The following ASCC3 variants were observed in gnomAD, a reference collection of about 807,000 sequenced individuals.
ASCC3 encodes the protein activating signal cointegrator 1 complex subunit 3, also known as ASC-1 complex subunit P200.
Under a neutral mutation model 256.3 loss-of-function variants are expected in ASCC3, and 158 were observed. That is an observed-to-expected ratio of 0.62 (90% CI 0.54 to 0.70). The LOEUF is 0.70. Ranked by LOEUF, ASCC3 falls within the 30% of genes least tolerant of loss-of-function variation. ASCC3 has a pLI of 0.00. For synonymous variants in ASCC3, 948 were observed against 883.4 expected (o/e 1.07, Z -1.30); for missense variants, 2,259 against 2,626.0 (o/e 0.86, Z 3.05).
chr6:100,578,413 C>T (rs781047632), intron 36 of ASCC3, among the ~76,000 whole-genome samples: 1 of 151,986 alleles, frequency 6.6e-6, no homozygotes, highest in African/African-American at 2.4e-5. Flanking sequence ...TCCTCTCCCT[C>T]CTCCCAGCCT....
At chr6:100,737,293 G>A (rs1195736031) in intron 10 of ASCC3, among the ~76,000 whole-genome samples, 5 of 151,492 alleles carry the variant, frequency 3.3e-5, no homozygotes, top group East Asian at 1.9e-4. Flanking sequence ...ATAAGAAAAC[G>A]TGTGCCATGG....
chr6:100,530,362 G>C, intron 37 of ASCC3: 1 of 1,307,496 alleles, frequency 7.6e-7, no homozygotes, highest in South Asian at 1.2e-5. Context: ...GCAGTAAGTT[G>C]TCTATCTCAA....
At chr6:100,808,539 T>C (rs1005647279) in intron 4 of ASCC3, among the ~76,000 whole-genome samples, 15 of 151,912 alleles carry the variant, frequency 9.9e-5, no homozygotes, top group Non-Finnish European at 1.8e-4. Flanking sequence ...TCATAGCAGA[T>C]TGATTACAGA....
chr6:100,624,556 C>G lies in ASCC3; in HGVS notation c.4785+636G>C, dbSNP rs185112765. 2.6e-5 allele frequency among the ~76,000 whole-genome samples: 4 copies of G among 151,978 alleles called. No individual in the cohort carries two copies. In the East Asian group the frequency reaches 7.7e-4, roughly 29 times the overall value. Reference sequence around the variant, plus strand: ...GGTGATGACACCAATAAGTACAGTTCTTTTGGAAAGTAATTAGCAGTGTAC... The same window carrying G: ...GGTGATGACACCAATAAGTACAGTTGTTTTGGAAAGTAATTAGCAGTGTAC... On this transcript the variant is annotated intron_variant, in intron 30 of 41. Transcript: ENST00000369162.
intron 10 of ASCC3, among the ~76,000 whole-genome samples, chr6:100,763,171 G>C (rs1176178040): frequency 2.0e-5 from 3 of 152,194 alleles, no homozygotes; most frequent in African/African-American, 7.2e-5. Flanking sequence ...CTCAAAGGCA[G>C]TGACAGCAGA....
rs973759221 is a variant in ASCC3, at chr6:100,741,397, C to T, written c.1738-15694G>A. ...TCTCATGGATTATCTTAGTAGGGTT[C>T]TCTGCATTTCCAGAATTTGAATGTT... On this transcript the variant is annotated intron_variant, in intron 10 of 41. Coordinates refer to ENST00000369162, the MANE Select transcript of ASCC3 (RefSeq NM_006828.4). Among the ~76,000 whole-genome samples, 43 of 152,218 alleles carry T rather than the reference C, an allele frequency of 2.8e-4. 1 individual carries two copies. The highest frequency in any genetic ancestry group is 2.8e-3 in the Admixed American group (43 of 15,304).
chr6:100,836,309 G>A (rs976692153), intron 4 of ASCC3, among the ~76,000 whole-genome samples: 28 of 146,722 alleles, frequency 1.9e-4, no homozygotes, highest in African/African-American at 6.9e-4. Flanking sequence ...TGGCAAAAGT[G>A]GGCATCCTCA....
At chr6:100,721,420 A>C (rs984089974) in intron 11 of ASCC3, among the ~76,000 whole-genome samples, 2 of 151,776 alleles carry the variant, frequency 1.3e-5, no homozygotes, top group South Asian at 2.1e-4. Flanking sequence ...TAATCAAAAT[A>C]GCTCTCCTTT....
intron 30 of ASCC3, among the ~76,000 whole-genome samples, chr6:100,617,298 G>A (rs973687321): frequency 2.6e-5 from 4 of 152,088 alleles, no homozygotes; most frequent in Admixed American, 1.3e-4. Flanking sequence ...GTGAGCCACC[G>A]TGCCTGGCCC....
At chr6:100,721,319 G>A (rs909537520) in intron 11 of ASCC3, among the ~76,000 whole-genome samples, 7 of 151,774 alleles carry the variant, frequency 4.6e-5, no homozygotes, top group African/African-American at 1.4e-4. Context: ...GTGGCTCACT[G>A]CAAATAAATG....
intron 14 of ASCC3, among the ~76,000 whole-genome samples, chr6:100,663,352 C>T (rs1322210577): frequency 2.0e-5 from 3 of 152,080 alleles, no homozygotes; most frequent in African/African-American, 7.2e-5. Flanking sequence ...AAGTTACATG[C>T]TCTTCTGAGT....
intron 1 of ASCC3, among the ~76,000 whole-genome samples, chr6:100,879,385 G>A (rs1273841580): frequency 1.3e-5 from 2 of 152,178 alleles, no homozygotes; most frequent in Admixed American, 6.5e-5. Flanking sequence ...CAGTTAGGGG[G>A]TGGGGATGAA....
chr6:100,809,470 T>G (rs1454744893), intron 4 of ASCC3, among the ~76,000 whole-genome samples: 1 of 152,114 alleles, frequency 6.6e-6, no homozygotes, highest in Non-Finnish European at 1.5e-5. Context: ...GATAGAAATT[T>G]TTCAGTTCTA....
At position 100,609,276 on chromosome 6, in the gene ASCC3, G is replaced by C. The variant is rs369879229; in HGVS notation, c.4786-2188C>G. On this transcript the variant is annotated intron_variant, in intron 30 of 41. Transcript: ENST00000369162. ...TTATCTTGTAATTTATTTTTGTATA[G>C]AAACTATGGTAGAAATCTAAGTTTA... Among the ~76,000 whole-genome samples the C allele has an allele frequency of 2.0e-4, 29 of 141,496 alleles. 3 individuals carry two copies. The highest frequency in any genetic ancestry group is 1.2e-3 in the Admixed American group (17 of 14,432). The allele number at this position is 141,496 out of a possible 152,430, so 92.8% of individuals were successfully genotyped here.
intron 4 of ASCC3, among the ~76,000 whole-genome samples, chr6:100,809,266 T>G (rs77159195): frequency 6.6e-6 from 1 of 152,052 alleles, no homozygotes; most frequent in Non-Finnish European, 1.5e-5. Flanking sequence ...GACTCTTTTA[T>G]AACAATACCT....
intron 39 of ASCC3, among the ~76,000 whole-genome samples, chr6:100,514,552 G>A (rs1773926912): frequency 6.6e-6 from 1 of 151,788 alleles, no homozygotes; most frequent in East Asian, 1.9e-4. Flanking sequence ...TGTAATTTTT[G>A]TAGGACTTAA....
At chr6:100,698,672 A>C (rs559517473) in intron 13 of ASCC3, among the ~76,000 whole-genome samples, 1 of 152,190 alleles carries the variant, frequency 6.6e-6, no homozygotes, top group African/African-American at 2.4e-5. Flanking sequence ...GCAAATTTAC[A>C]TAAAAAATGT....
chr6:100,573,225 G>T (rs1314685269), intron 36 of ASCC3, among the ~76,000 whole-genome samples: 10 of 152,078 alleles, frequency 6.6e-5, no homozygotes, highest in Non-Finnish European at 1.5e-5. Flanking sequence ...GCTTTCTGAG[G>T]ATAAAAAGTA....
intron 13 of ASCC3, among the ~76,000 whole-genome samples, chr6:100,706,056 C>A (rs1448590524): frequency 6.6e-6 from 1 of 151,642 alleles, no homozygotes; most frequent in Non-Finnish European, 1.5e-5. Flanking sequence ...ACATAATTTA[C>A]CATACTTACA....
Sources: allele counts gnomAD v4.1 joint callset (sites outside exome capture counted in the v4.1 genomes callset), GRCh38; gene constraint gnomAD v4.1.1; transcripts MANE v1.5; gene names NCBI Gene and HGNC (gene_info 2026-07-23, HGNC 2026-07-21).